Variants in RHO observed in about 807,000 individuals in gnomAD.
RHO encodes opsin 2, rod pigment.
Under a neutral mutation model 31.2 loss-of-function variants are expected in RHO, and 21 were observed. That is an observed-to-expected ratio of 0.67 (90% CI 0.48 to 0.97). The LOEUF is 0.97. Ranked by LOEUF, RHO falls within the 50% of genes least tolerant of loss-of-function variation. The probability of loss-of-function intolerance (pLI) is 0.00; values close to 1 mark genes in which losing one functional copy is unlikely to be tolerated. For synonymous variants in RHO, 211 were observed against 196.6 expected (o/e 1.07, Z -0.61); for missense variants, 414 against 479.5 (o/e 0.86, Z 1.28).
In RHO at chr3:129,530,974, A is replaced by G; in HGVS notation, c.460A>G (p.Ile154Val). The G allele has an allele frequency of 6.2e-7, 1 of 1,614,224 alleles. No individual in the cohort carries two copies. Among genetic ancestry groups the G allele is most frequent in the African/African-American group, 1.3e-5 (1 of 75,052 alleles). Reference sequence around the variant, plus strand: ...CTTCCGCTTCGGGGAGAACCATGCCATCATGGGCGTTGCCTTCACCTGGGT... The same window carrying G: ...CTTCCGCTTCGGGGAGAACCATGCCGTCATGGGCGTTGCCTTCACCTGGGT... ...SNFRFGENHA[I>V]MGVAFTWVMA... Residue 154 changes from isoleucine (I) to valine (V), a missense_variant, in exon 2 of 5, where the codon ATC becomes GTC. By Grantham distance (29) the Ile-to-Val change is conservative. Transcript: ENST00000296271.
chr3:129,528,751 C>T lies in RHO; in HGVS notation c.18C>T (p.Gly6=), dbSNP rs768787274. The change falls in exon 1 of 5, where the codon GGC becomes GGT. Residue 6 remains glycine, a synonymous_variant. Coordinates refer to ENST00000296271, the MANE Select transcript of RHO (RefSeq NM_000539.3). The stretch of plus-strand genomic sequence containing the variant: ...CCACAGCCATGAATGGCACAGAAGG[C>T]CCTAACTTCTACGTGCCCTTCTCCA... The part of the protein sequence containing the change: MNGTE[G]PNFYVPFSNA... 2 of 1,614,182 alleles carry T rather than the reference C, an allele frequency of 1.2e-6. No homozygotes were observed. Among genetic ancestry groups the T allele is most frequent in the Non-Finnish European group, 1.7e-6 (2 of 1,180,040 alleles).
chr3:129,531,173 C>T, intron 2 of RHO, 129 bp downstream of exon 2: 1 of 1,067,636 alleles, frequency 9.4e-7, no homozygotes, highest in East Asian at 2.5e-5. Context: ...AATGCCCACT[C>T]AGGGTAGGGG....
In RHO at chr3:129,532,470, T is replaced by C; in HGVS notation, c.696+54T>C. On this transcript the variant is annotated intron_variant, in intron 3 of 4. Transcript: ENST00000296271. This position sits in a 1 kb window ranked among gnomAD's most constrained non-coding sequence, Gnocchi z 5.5. ...GGCTCTGAGGGTCCAGCCCCCAGCA[T>C]GCATCTGCGGCTCCTGCTCCCTGGA... 1.2e-6 allele frequency: 2 copies of C among 1,613,812 alleles called. No individual in the cohort carries two copies. The highest frequency in any genetic ancestry group is 1.7e-5 in the Admixed American group (1 of 60,026).
intron 1 of RHO, among the ~76,000 whole-genome samples, chr3:129,529,383 C>T (rs1432285653): frequency 6.6e-6 from 1 of 152,248 alleles, no homozygotes; most frequent in Non-Finnish European, 1.5e-5. Context: ...AGTCAAGCGC[C>T]CTGCTGGGGC....
Position 129,528,760 on chromosome 3 carries a change from C to T in RHO, c.27C>T (p.Phe9=), listed in dbSNP as rs1361105199. 2 of 1,614,216 alleles carry T rather than the reference C, an allele frequency of 1.2e-6. No homozygotes were observed. Reference sequence around the variant, plus strand: ...TGAATGGCACAGAAGGCCCTAACTTCTACGTGCCCTTCTCCAATGCGACGG... The same window carrying T: ...TGAATGGCACAGAAGGCCCTAACTTTTACGTGCCCTTCTCCAATGCGACGG... MNGTEGPN[F]YVPFSNATGV... is the part of the protein sequence containing the mutation. Residue 9 remains phenylalanine (F), a synonymous_variant, in exon 1 of 5, where the codon TTC becomes TTT. Transcript: ENST00000296271.
At chr3:129,529,210 A>G (rs148110888) in intron 1 of RHO, 116 bp downstream of exon 1, 12 of 1,310,346 alleles carry the variant, frequency 9.2e-6, no homozygotes, top group South Asian at 1.4e-5. Flanking sequence ...TGTCCTGTCA[A>G]TGTTATCCAA....
rs1202779984 is a variant in RHO, at chr3:129,534,469, C to T, written c.*751C>T. Reference sequence around the variant, plus strand: ...TGGGCATTCAGATGATGGGGTTTCACCCAACCTTGGGGCAGGTTTTTAAAA... The same window carrying T: ...TGGGCATTCAGATGATGGGGTTTCATCCAACCTTGGGGCAGGTTTTTAAAA... On this transcript the variant is annotated 3_prime_UTR_variant, in exon 5 of 5. Transcript: ENST00000296271. 1 of 152,282 alleles carries T rather than the reference C, an allele frequency of 6.6e-6. No homozygotes were observed. The highest frequency in any genetic ancestry group is 2.1e-4 in the South Asian group (1 of 4,838). 9.4% of individuals were successfully genotyped at this position (152,282 alleles called of 1,614,324 possible). A position where few individuals can be genotyped will look rare whatever the true frequency, so the allele number is the denominator to read the frequency against.
In RHO at chr3:129,532,417, G is replaced by A; in HGVS notation, c.696+1G>A. 1 of 1,613,954 alleles carries A rather than the reference G, an allele frequency of 6.2e-7. No homozygotes were observed. The highest frequency in any genetic ancestry group is 1.6e-4 in the Middle Eastern group (1 of 6,062). Reference sequence around the variant, plus strand: ...GCAGCTCGTCTTCACCGTCAAGGAGGTACGGGCCGGGGGGTGGGCGGCCTC... The same window carrying A: ...GCAGCTCGTCTTCACCGTCAAGGAGATACGGGCCGGGGGGTGGGCGGCCTC... On this transcript the variant is annotated splice_donor_variant, in intron 3 of 4. Transcript: ENST00000296271. LOFTEE classifies it high-confidence loss of function. The surrounding 1 kb of genome is among the most constrained non-coding windows in gnomAD (Gnocchi z 5.5).
rs1326147175 is a variant in RHO at position 129,528,981 on chromosome 3, A to G, written c.248A>G (p.Asp83Gly). ...NYILLNLAVADLFMVLGGFTS... is the reference protein window; with the variant it reads ...NYILLNLAVAGLFMVLGGFTS... ...ATCCTGCTCAACCTAGCCGTGGCTGACCTCTTCATGGTCCTAGGTGGCTTC... is the reference window on the plus strand; with the variant it reads ...ATCCTGCTCAACCTAGCCGTGGCTGGCCTCTTCATGGTCCTAGGTGGCTTC... The change falls in exon 1 of 5, where the codon GAC becomes GGC. Residue 83 changes from aspartate (D) to glycine (G), a missense_variant. Physicochemically the swap from Asp to Gly is moderately conservative, Grantham distance 94. Transcript: ENST00000296271. 2 of 1,614,080 alleles carry G rather than the reference A, an allele frequency of 1.2e-6. No homozygotes were observed. Among genetic ancestry groups the G allele is most frequent in the Non-Finnish European group, 1.7e-6 (2 of 1,180,012 alleles).
rs796098464 is a variant in RHO at position 129,533,842 on chromosome 3, A to AT, written c.*140dup. ...TGAACGAAGTCACATAGGCTCCTTA[A>AT]TTTTTTTTTTTTTTTTAAGAAATAA... On this transcript the variant is annotated 3_prime_UTR_variant, in exon 5 of 5. Transcript: ENST00000296271. 43,448 of 533,062 alleles carry AT rather than the reference A, an allele frequency of 0.082. No individual in the cohort carries two copies. The highest frequency in any genetic ancestry group is 0.1 in the Non-Finnish European group (30,765 of 299,140). The allele number at this position is 533,062 out of a possible 1,614,324, so 33.0% of individuals were successfully genotyped here. A position where few individuals can be genotyped will look rare whatever the true frequency, so the allele number is the denominator to read the frequency against.
Position 129,533,805 on chromosome 3 carries a change from G to T in RHO, c.*87G>T. 1.1e-6 allele frequency: 1 copy of T among 947,418 alleles called. No homozygotes were observed. 58.7% of individuals were successfully genotyped at this position (947,418 alleles called of 1,614,324 possible). A position where few individuals can be genotyped will look rare whatever the true frequency, so the allele number is the denominator to read the frequency against. On this transcript the variant is annotated 3_prime_UTR_variant, in exon 5 of 5. Coordinates refer to ENST00000296271, the MANE Select transcript of RHO (RefSeq NM_000539.3). ...CCACAGCCATCCCACCAGGAGCAGC[G>T]CCTGTGCAGAATGAACGAAGTCACA...
intron 1 of RHO, among the ~76,000 whole-genome samples, chr3:129,530,549 C>CACACAA (rs1553781109): frequency 1.3e-5 from 2 of 151,516 alleles, no homozygotes; most frequent in African/African-American, 4.9e-5. Context: ...CACACACACA[C>CACACAA]ACACACACAC....
At position 129,532,702 on chromosome 3, in the gene RHO, C is replaced by G; in HGVS notation, c.866C>G (p.Thr289Ser). 6.2e-7 allele frequency: 1 copy of G among 1,614,282 alleles called. No individual in the cohort carries two copies. The highest frequency in any genetic ancestry group is 8.5e-7 in the Non-Finnish European group (1 of 1,180,054). Residue 289 changes from threonine (T) to serine (S), a missense_variant, in exon 4 of 5, where the codon ACC (threonine) becomes AGC (serine). Coordinates refer to ENST00000296271, the MANE Select transcript of RHO (RefSeq NM_000539.3). This position sits in a 1 kb window ranked among gnomAD's most constrained non-coding sequence, Gnocchi z 5.5. Reference sequence around the variant, plus strand: ...TCCAACTTCGGTCCCATCTTCATGACCATCCCAGCGTTCTTTGCCAAGAGC... The same window carrying G: ...TCCAACTTCGGTCCCATCTTCATGAGCATCCCAGCGTTCTTTGCCAAGAGC... ...QGSNFGPIFMTIPAFFAKSAA... is the reference protein window; with the variant it reads ...QGSNFGPIFMSIPAFFAKSAA...
intron 1 of RHO, among the ~76,000 whole-genome samples, chr3:129,529,419 G>A (rs536977497): frequency 7.9e-5 from 12 of 152,350 alleles, no homozygotes; most frequent in African/African-American, 2.9e-4. Flanking sequence ...GTGCAGAGTT[G>A]AGTTGGAAGC....
At position 129,530,873 on chromosome 3, in the gene RHO, C is replaced by A; in HGVS notation, c.362-3C>A. On this transcript the variant is annotated splice_region_variant and splice_polypyrimidine_tract_variant and intron_variant, in intron 1 of 4. Coordinates refer to ENST00000296271, the MANE Select transcript of RHO (RefSeq NM_000539.3). The stretch of plus-strand genomic sequence containing the variant: ...TGCTGACCGCCTGCTGACTGCCTTG[C>A]AGGTGAAATTGCCCTGTGGTCCTTG... 1.2e-6 allele frequency: 2 copies of A among 1,614,252 alleles called. No homozygotes were observed. The highest frequency in any genetic ancestry group is 1.7e-6 in the Non-Finnish European group (2 of 1,180,046).
At chr3:129,529,392 G>T (rs1578278660) in intron 1 of RHO, among the ~76,000 whole-genome samples, 1 of 152,388 alleles carries the variant, frequency 6.6e-6, no homozygotes, top group East Asian at 1.9e-4. Context: ...CCCTGCTGGG[G>T]CGTCACACAG....
chr3:129,534,668 T>G lies in RHO; in HGVS notation c.*950T>G, dbSNP rs2084808785. ...TGGGCCTGGGGTCTCACCCCTAGTG[T>G]GGGGCCCCAGGTCCCGTGCCTCCCC... On this transcript the variant is annotated 3_prime_UTR_variant, in exon 5 of 5. Coordinates refer to ENST00000296271, the MANE Select transcript of RHO (RefSeq NM_000539.3). 6.6e-6 allele frequency: 1 copy of G among 152,586 alleles called. No individual in the cohort carries two copies. 9.5% of individuals were successfully genotyped at this position (152,586 alleles called of 1,614,324 possible).
At position 129,532,793 on chromosome 3, in the gene RHO, G is replaced by A. The variant is rs2108750538; in HGVS notation, c.936+21G>A. Reference sequence around the variant, plus strand: ...AGCAGGTGCCTACTGCGGGTGGGAGGGCCCCAGTGCCCCAGGCCACAGGCG... The same window carrying A: ...AGCAGGTGCCTACTGCGGGTGGGAGAGCCCCAGTGCCCCAGGCCACAGGCG... On this transcript the variant is annotated intron_variant, in intron 4 of 4. Coordinates refer to ENST00000296271, the MANE Select transcript of RHO (RefSeq NM_000539.3). The surrounding 1 kb of genome is among the most constrained non-coding windows in gnomAD (Gnocchi z 5.5). 2 of 1,613,472 alleles carry A rather than the reference G, an allele frequency of 1.2e-6. No homozygotes were observed. The highest frequency in any genetic ancestry group is 1.7e-4 in the Middle Eastern group (1 of 6,042).
intron 4 of RHO, among the ~76,000 whole-genome samples, 199 bp from the exon 5 acceptor site, chr3:129,533,409 G>A (rs1301829625): frequency 6.6e-6 from 1 of 152,190 alleles, no homozygotes; most frequent in East Asian, 1.9e-4. Context: ...CAGCCCCCTT[G>A]TGCTCAGTCC....
Sources: gnomAD v4.1 joint callset for allele counts (sites outside exome capture counted in the v4.1 genomes callset) on GRCh38, gnomAD v4.1.1 for gene constraint, Gnocchi (gnomAD v3.1) non-coding constraint, MANE v1.5 for transcripts, NCBI Gene and HGNC (gene_info 2026-07-23, HGNC 2026-07-21) for gene names.